The following RARB variants were observed in gnomAD, a reference collection of about 807,000 sequenced individuals.
RARB encodes HBV-activated protein.
In RARB, 17 loss-of-function variants were observed where a neutral mutation model predicts 51.9. That is an observed-to-expected ratio of 0.33 (90% CI 0.22 to 0.49). The LOEUF (loss-of-function observed/expected upper bound fraction) is 0.49. Among genes scored for constraint, RARB ranks in the 20% least tolerant of loss-of-function variants. The pLI, the probability that RARB is intolerant of heterozygous loss-of-function variation, is 0.99. For missense variants in RARB, 369 were observed against 550.8 expected (o/e 0.67, Z 3.30); for synonymous variants, 215 against 195.4 (o/e 1.10, Z -0.84).
chr3:25,451,193 A>G (rs1267361495), intron 1 of RARB, among the ~76,000 whole-genome samples: 1 of 152,232 alleles, frequency 6.6e-6, no homozygotes, highest in Non-Finnish European at 1.5e-5. Context: ...AAGGTTGGCT[A>G]TCATTTATTG....
At chr3:25,137,676 GC>G (rs1700052201) in intron 4 of RARB, among the ~76,000 whole-genome samples, 1 of 151,974 alleles carries the variant, frequency 6.6e-6, no homozygotes, top group East Asian at 1.9e-4. Flanking sequence ...GATTTACCAG[GC>G]CCATTGAAGG....
At position 25,310,337 on chromosome 3, in the gene RARB, A is replaced by G. The variant is rs866768154; in HGVS notation, c.178+135762A>G. 2.0e-5 allele frequency among the ~76,000 whole-genome samples: 3 copies of G among 152,336 alleles called. No homozygotes were observed. The South Asian group carries it at 6.2e-4, about 32-fold the overall frequency. ...GAGCATTGCTTTTGCAACACAGCCT[A>G]GTCTGTATGACTGACAGTCAGATTT... On this transcript the variant is annotated intron_variant, in intron 5 of 11. Transcript: ENST00000383772.
chr3:25,105,222 G>A (rs1699476323), intron 3 of RARB, among the ~76,000 whole-genome samples: 1 of 146,606 alleles, frequency 6.8e-6, no homozygotes, highest in Admixed American at 6.7e-5. Flanking sequence ...TCCCCACAGA[G>A]CATCTACACA....
intron 2 of RARB, among the ~76,000 whole-genome samples, chr3:25,027,219 C>A (rs1354286340): frequency 1.2e-5 from 1 of 84,642 alleles, no homozygotes; most frequent in Non-Finnish European, 2.6e-5. Context: ...CAGGAAGAAT[C>A]CAAAATTAAT....
intron 2 of RARB, among the ~76,000 whole-genome samples, chr3:24,873,646 G>A (rs76826802): frequency 0.1 from 14,908 of 148,204 alleles, 1,110 homozygotes; most frequent in African/African-American, 0.2. Context: ...TGGATAAATT[G>A]TTATTTATCA....
intron 3 of RARB, among the ~76,000 whole-genome samples, chr3:25,513,437 G>A (rs924021644): frequency 6.6e-6 from 1 of 152,154 alleles, no homozygotes; most frequent in African/African-American, 2.4e-5. Context: ...TTGAACACGT[G>A]AACTTAAAGT....
At chr3:25,570,958 AGT>A (rs1700683396) in intron 4 of RARB, among the ~76,000 whole-genome samples, 1 of 149,708 alleles carries the variant, frequency 6.7e-6, no homozygotes, top group Admixed American at 6.7e-5. Context: ...AAAAAAAAAC[AGT>A]GAGCGGCGGG....
chr3:24,955,375 T>G (rs1292836742), intron 2 of RARB, among the ~76,000 whole-genome samples: 1 of 152,014 alleles, frequency 6.6e-6, no homozygotes, highest in Admixed American at 6.5e-5. Flanking sequence ...AGCACAGGGG[T>G]GGGGCAGGCC....
At chr3:25,563,181 T>A (rs1190608869) in intron 3 of RARB, among the ~76,000 whole-genome samples, 1 of 152,200 alleles carries the variant, frequency 6.6e-6, no homozygotes, top group Admixed American at 6.5e-5. Flanking sequence ...TCCTGTCACC[T>A]TTTGAAGTAC....
intron 5 of RARB, among the ~76,000 whole-genome samples, chr3:25,266,725 C>A (rs1430967274): frequency 1.3e-5 from 2 of 152,112 alleles, no homozygotes; most frequent in Non-Finnish European, 2.9e-5. Flanking sequence ...AGGCTGGAGA[C>A]TTATCTGATA....
chr3:25,529,765 A>G (rs1056272626), intron 3 of RARB, among the ~76,000 whole-genome samples: 2 of 152,218 alleles, frequency 1.3e-5, no homozygotes, highest in African/African-American at 2.4e-5. Flanking sequence ...TGTAGGAGGT[A>G]AAGTATAGCT....
chr3:25,394,179 A>G (rs1384936715), intron 5 of RARB, among the ~76,000 whole-genome samples: 1 of 152,090 alleles, frequency 6.6e-6, no homozygotes, highest in African/African-American at 2.4e-5. Context: ...GGAGCAGATT[A>G]TTTAATTTCC....
rs569185991 is a variant in RARB, at chr3:25,322,343, T to C, written c.179-138850T>C. On this transcript the variant is annotated intron_variant, in intron 5 of 11. Transcript: ENST00000383772. ...AGATTGCAAAGTTCTAAAAGAAATA[T>C]GGGTCTATTTTATACTTAGGGAGAG... Among the ~76,000 whole-genome samples the C allele has an allele frequency of 1.3e-3, 195 of 152,308 alleles. 1 individual carries two copies. Among genetic ancestry groups the C allele is most frequent in the Non-Finnish European group, 2.2e-3 (147 of 68,022 alleles).
intron 3 of RARB, among the ~76,000 whole-genome samples, chr3:25,550,591 C>T (rs775186301): frequency 1.3e-5 from 2 of 152,148 alleles, no homozygotes; most frequent in African/African-American, 2.4e-5. Context: ...ACCATCACAT[C>T]GGGGATTAGG....
chr3:24,972,285 C>T (rs1304220979), intron 2 of RARB, among the ~76,000 whole-genome samples: 2 of 151,770 alleles, frequency 1.3e-5, no homozygotes, highest in African/African-American at 4.8e-5. Flanking sequence ...ACATAACTCC[C>T]AGTTCGATTT....
chr3:24,926,913 G>A (rs528272623), intron 2 of RARB, among the ~76,000 whole-genome samples: 1 of 152,026 alleles, frequency 6.6e-6, no homozygotes, highest in Admixed American at 6.6e-5. Flanking sequence ...TAAGTGAAAA[G>A]ACTAGTTTGA....
At chr3:25,272,672 G>C (rs1349370416) in intron 5 of RARB, among the ~76,000 whole-genome samples, 2 of 152,102 alleles carry the variant, frequency 1.3e-5, no homozygotes, top group Non-Finnish European at 2.9e-5. Flanking sequence ...AGTTCAGCCA[G>C]GGTTGAGAAC....
At chr3:25,122,298 AT>A (rs1375201418) in intron 3 of RARB, among the ~76,000 whole-genome samples, 1 of 152,096 alleles carries the variant, frequency 6.6e-6, no homozygotes, top group Non-Finnish European at 1.5e-5. Flanking sequence ...ATGATTAAGA[AT>A]AAAATGCAAA....
chr3:24,951,114 G>A (rs944671866), intron 2 of RARB, among the ~76,000 whole-genome samples: 1 of 152,154 alleles, frequency 6.6e-6, no homozygotes, highest in African/African-American at 2.4e-5. Flanking sequence ...ATTTTATGAT[G>A]ACAGGGCAGG....
Sources: allele counts gnomAD v4.1 joint callset (sites outside exome capture counted in the v4.1 genomes callset), GRCh38; gene constraint gnomAD v4.1.1; transcripts MANE v1.5; gene names NCBI Gene and HGNC (gene_info 2026-07-23, HGNC 2026-07-21).